WHR1: variants seen among roughly 807,000 people sequenced by gnomAD.
The protein encoded by WHR1 is winged helix repair factor 1.
the WHR1 span, chr6:31,979,361 G>A: frequency 6.2e-7 from 1 of 1,608,466 alleles, no homozygotes. Flanking sequence ...GGGGGTGGAG[G>A]TTGGTAGAGA....
the WHR1 span, among the ~76,000 whole-genome samples, chr6:31,976,779 C>T: frequency 1.3e-5 from 2 of 152,254 alleles, no homozygotes; most frequent in Non-Finnish European, 2.9e-5. Context: ...AACCAGACAC[C>T]GTCTGCAATC....
chr6:31,974,589 A>C, the WHR1 span, among the ~76,000 whole-genome samples: 1 of 152,132 alleles, frequency 6.6e-6, no homozygotes, highest in African/African-American at 2.4e-5. Context: ...CTAAATAAAT[A>C]AATTAAAACA....
chr6:31,976,031 G>T, the WHR1 span, among the ~76,000 whole-genome samples: 38 of 149,256 alleles, frequency 2.5e-4, no homozygotes, highest in Non-Finnish European at 9.0e-5. Context: ...TGGCCGGGCG[G>T]GGGGGGCTGA....
chr6:31,977,776 C>T, the WHR1 span, among the ~76,000 whole-genome samples: 24 of 151,860 alleles, frequency 1.6e-4, no homozygotes, highest in African/African-American at 4.1e-4. Context: ...CATGAGCCAC[C>T]GTGCCCGGCC....
the WHR1 span, chr6:31,980,392 G>A: frequency 7.0e-7 from 1 of 1,436,566 alleles, no homozygotes; most frequent in Non-Finnish European, 9.5e-7. Flanking sequence ...AATGGATGAG[G>A]AGGAGAGATG....
At chr6:31,974,653 G>A in the WHR1 span, among the ~76,000 whole-genome samples, 1 of 152,182 alleles carries the variant, frequency 6.6e-6, no homozygotes, top group Admixed American at 6.5e-5. Flanking sequence ...AGCTGTTTGG[G>A]AAGTTGAGGC....
At chr6:31,980,336 C>G in the WHR1 span, 4 of 937,292 alleles carry the variant, frequency 4.3e-6, no homozygotes, top group Non-Finnish European at 6.3e-6. Context: ...GTTATCCAGT[C>G]TCTCTTGCAT....
At chr6:31,972,990 G>T in the WHR1 span, 1 of 752,654 alleles carries the variant, frequency 1.3e-6, no homozygotes, top group Non-Finnish European at 2.3e-6. The surrounding 1 kb of genome is among the most constrained non-coding windows in gnomAD (Gnocchi z 6.3). Flanking sequence ...CATGGGGCAT[G>T]GTTCGAACAT....
chr6:31,971,325 CA>C, the WHR1 span: 1 of 1,541,012 alleles, frequency 6.5e-7, no homozygotes, highest in Non-Finnish European at 8.8e-7. This position sits in a 1 kb window ranked among gnomAD's most constrained non-coding sequence, Gnocchi z 4.5. Context: ...CTCACCCCTC[CA>C]ACCGGCCTCG....
chr6:31,978,806 A>G, the WHR1 span: 2 of 1,111,866 alleles, frequency 1.8e-6, no homozygotes, highest in East Asian at 2.5e-5. Context: ...ATGCCCCCAT[A>G]TTGGCAAACA....
the WHR1 span, chr6:31,978,979 C>T: frequency 1.2e-6 from 2 of 1,612,314 alleles, no homozygotes; most frequent in Middle Eastern, 1.7e-4. Context: ...ATTATCTTCA[C>T]TGAGGACTAC....
the WHR1 span, chr6:31,979,018 A>C: frequency 1.4e-5 from 23 of 1,598,078 alleles, no homozygotes; most frequent in Middle Eastern, 1.7e-4. Flanking sequence ...TGTGTGCGTC[A>C]GGGGTGCTGG....
the WHR1 span, chr6:31,973,396 T>TTA: frequency 5.4e-6 from 1 of 184,866 alleles, no homozygotes. Flanking sequence ...CAGTTGGATA[T>TTA]GAGAGTTGGA....
At chr6:31,980,534 A>G in the WHR1 span, 3 of 1,612,922 alleles carry the variant, frequency 1.9e-6, no homozygotes, top group East Asian at 4.5e-5. Flanking sequence ...AGATTCATCA[A>G]GTACTTTGTT....
chr6:31,977,869 C>T, the WHR1 span, among the ~76,000 whole-genome samples: 41,400 of 151,978 alleles, frequency 0.27, 6,887 homozygotes, highest in Admixed American at 0.38. Flanking sequence ...TCTCGGCTCA[C>T]AGCAACTTTC....
the WHR1 span, among the ~76,000 whole-genome samples, chr6:31,978,063 C>T: frequency 6.6e-6 from 1 of 152,254 alleles, no homozygotes; most frequent in Non-Finnish European, 1.5e-5. Context: ...GCCGGGATTA[C>T]AGGCTTGAGC....
the WHR1 span, among the ~76,000 whole-genome samples, chr6:31,978,326 G>A: frequency 2.0e-5 from 3 of 151,440 alleles, no homozygotes; most frequent in Non-Finnish European, 4.4e-5. Flanking sequence ...TGGCGGGTGG[G>A]GGGGTCTCAC....
the WHR1 span, chr6:31,971,536 G>T: frequency 8.1e-6 from 13 of 1,614,202 alleles, no homozygotes; most frequent in Non-Finnish European, 1.1e-5. The surrounding 1 kb of genome is among the most constrained non-coding windows in gnomAD (Gnocchi z 4.5). Flanking sequence ...GCCCAGTTCC[G>T]AAGGGCGCCG....
chr6:31,971,229 T>C, the WHR1 span: 2 of 1,559,448 alleles, frequency 1.3e-6, no homozygotes, highest in Non-Finnish European at 1.7e-6. The surrounding 1 kb of genome is among the most constrained non-coding windows in gnomAD (Gnocchi z 4.5). Context: ...TTGTTTCTTC[T>C]AAGGACTGAT....
Sources: gnomAD v4.1 joint callset for allele counts (sites outside exome capture counted in the v4.1 genomes callset) on GRCh38, gnomAD v4.1.1 for gene constraint, Gnocchi (gnomAD v3.1) non-coding constraint, MANE v1.5 for transcripts, NCBI Gene and HGNC (gene_info 2026-07-23, HGNC 2026-07-21) for gene names.